Variants in NOTO observed in about 807,000 individuals in gnomAD.
NOTO encodes notochord homeobox.
In NOTO, 19 loss-of-function variants were observed where a neutral mutation model predicts 20.5. The ratio of observed to expected loss-of-function variants is 0.93; its 90% CI spans 0.65 to 1.36. The LOEUF (loss-of-function observed/expected upper bound fraction) is 1.36, where lower values mean the gene tolerates loss of function less well. Among genes scored for constraint, NOTO ranks in the 40% most tolerant of loss-of-function variants. NOTO has a pLI of 0.00. For missense variants in NOTO, 369 were observed against 336.2 expected (o/e 1.10, Z -0.76); for synonymous variants, 150 against 150.2 (o/e 1.00, Z 0.01).
chr2:73,208,545 A>C lies in NOTO; in HGVS notation c.528A>C (p.Ala176=), dbSNP rs1197544662. 8 of 1,551,668 alleles carry C rather than the reference A, an allele frequency of 5.2e-6. No individual in the cohort carries two copies. Among genetic ancestry groups the C allele is most frequent in the Non-Finnish European group, 5.2e-6 (6 of 1,146,976 alleles). The change falls in exon 2 of 3, where the codon GCA becomes GCC. Residue 176 remains alanine, a synonymous_variant. Transcript: ENST00000398468. ...EQLEELEKVF[A]KQHNLVGKKR... ...TGGAAGAGTTGGAGAAAGTGTTTGC[A>C]AAACAGCACAATCTGGTGGGGAAGA...
rs117321951 is a variant in NOTO, at chr2:73,210,624, T to C, written c.598-147T>C. 304 of 625,276 alleles carry C rather than the reference T, an allele frequency of 4.9e-4. 1 individual carries two copies. The East Asian group carries it at 8.1e-3, about 17-fold the overall frequency. The allele number at this position is 625,276 out of a possible 1,614,324, so 38.7% of individuals were successfully genotyped here. Reference sequence around the variant, plus strand: ...TCAGATGAATGAATGGTGTCTGGAATTGTAGAAAGGGGTGTTTTGGAGGAG... The same window carrying C: ...TCAGATGAATGAATGGTGTCTGGAACTGTAGAAAGGGGTGTTTTGGAGGAG... On this transcript the variant is annotated intron_variant, in intron 2 of 2. Coordinates refer to ENST00000398468, the MANE Select transcript of NOTO (RefSeq NM_001134462.2).
In NOTO at chr2:73,202,985, T is replaced by G. The variant is rs1410378986; in HGVS notation, c.319T>G (p.Phe107Val). Reference sequence around the variant, plus strand: ...GCTGCCCGCCTACCTGAGCGTAGGTTTTTACCCTGTGCCAGGGCCGCGCGT... The same window carrying G: ...GCTGCCCGCCTACCTGAGCGTAGGTGTTTACCCTGTGCCAGGGCCGCGCGT... Reference protein sequence around the residue: ...SWLPAYLSVGFYPVPGPRVAP... With the variant: ...SWLPAYLSVGVYPVPGPRVAP... Residue 107 changes from phenylalanine to valine, a missense_variant, in exon 1 of 3, where the codon TTT becomes GTT. Transcript: ENST00000398468. 6.7e-7 allele frequency: 1 copy of G among 1,488,600 alleles called. No homozygotes were observed. Among genetic ancestry groups the G allele is most frequent in the African/African-American group, 1.5e-5 (1 of 68,312 alleles). 92.2% of individuals were successfully genotyped at this position (1,488,600 alleles called of 1,614,324 possible). A position where few individuals can be genotyped will look rare whatever the true frequency, so the allele number is the denominator to read the frequency against.
rs1372190494 is a variant in NOTO, at chr2:73,202,939, C to G, written c.273C>G (p.Pro91=). The G allele has an allele frequency of 6.6e-7, 1 of 1,517,794 alleles. No homozygotes were observed. The highest frequency in any genetic ancestry group is 1.2e-5 in the South Asian group (1 of 81,740). The allele number at this position is 1,517,794 out of a possible 1,614,324, so 94.0% of individuals were successfully genotyped here. The part of the protein sequence containing the change: ...AASLCATGGL[P]WACPTSWLPA... ...CCCTGTGCGCCACCGGGGGTCTGCC[C>G]TGGGCTTGCCCGACATCGTGGCTGC... The change falls in exon 1 of 3, where the codon CCC becomes CCG. Residue 91 remains proline (P), a synonymous_variant. Transcript: ENST00000398468.
chr2:73,202,782 C>A lies in NOTO; in HGVS notation c.116C>A (p.Pro39His), dbSNP rs893451284. 10 of 1,524,322 alleles carry A rather than the reference C, an allele frequency of 6.6e-6. No individual in the cohort carries two copies. The highest frequency in any genetic ancestry group is 7.9e-6 in the Non-Finnish European group (9 of 1,141,824). The allele number at this position is 1,524,322 out of a possible 1,614,324, so 94.4% of individuals were successfully genotyped here. The change falls in exon 1 of 3, where the codon CCC becomes CAC. Residue 39 changes from proline to histidine, a missense_variant. Transcript: ENST00000398468. ...APRSPTGPNT[P>H]RAPGRFESPF... ...AGGTCCCCTACTGGCCCGAACACGCCCCGCGCTCCCGGACGCTTCGAGTCC... is the reference window on the plus strand; with the variant it reads ...AGGTCCCCTACTGGCCCGAACACGCACCGCGCTCCCGGACGCTTCGAGTCC...
intron 2 of NOTO, among the ~76,000 whole-genome samples, chr2:73,209,878 T>G (rs552057405): frequency 2.0e-5 from 3 of 152,156 alleles, no homozygotes; most frequent in Non-Finnish European, 4.4e-5. Context: ...ACCTGGTTAC[T>G]CAAAAACCCA....
chr2:73,208,616 TG>T lies in NOTO; in HGVS notation c.597+5del. The T allele has an allele frequency of 6.5e-7, 1 of 1,545,194 alleles. No homozygotes were observed. Among genetic ancestry groups the T allele is most frequent in the Non-Finnish European group, 8.8e-7 (1 of 1,141,700 alleles). On this transcript the variant is annotated splice_donor_region_variant and intron_variant, in intron 2 of 2. Transcript: ENST00000398468. ...CGGCTCAAACTTACAGAGAACCAGGTGGGAGTAGGGACTCCTATTGGGCCTG... is the reference window on the plus strand; with the variant it reads ...CGGCTCAAACTTACAGAGAACCAGGTGGAGTAGGGACTCCTATTGGGCCTG...
rs1035837002 is a variant in NOTO at position 73,211,097 on chromosome 2, G to A, written c.*168G>A. 5.4e-6 allele frequency: 3 copies of A among 560,050 alleles called. No individual in the cohort carries two copies. The highest frequency in any genetic ancestry group is 9.3e-6 in the Non-Finnish European group (3 of 324,084). 34.7% of individuals were successfully genotyped at this position (560,050 alleles called of 1,614,324 possible). A position where few individuals can be genotyped will look rare whatever the true frequency, so the allele number is the denominator to read the frequency against. The stretch of plus-strand genomic sequence containing the variant: ...ACTGATTCCTGGAAACTGGAATAAT[G>A]TAATGATTGGAGGCACAGACTCTGG... On this transcript the variant is annotated 3_prime_UTR_variant, in exon 3 of 3. Transcript: ENST00000398468.
Position 73,210,914 on chromosome 2 carries a change from AG to A in NOTO, c.743del (p.Gly248GlufsTer60). ...ASIQSDDAES[G>X]VDG ...GTATCCAGAGTGATGATGCCGAGTC[AG>A]GAGTGGACGGCTGAAGACTGGGACA... On this transcript the variant is annotated frameshift_variant, in exon 3 of 3. Coordinates refer to ENST00000398468, the MANE Select transcript of NOTO (RefSeq NM_001134462.2). LOFTEE classifies it high-confidence loss of function. The A allele has an allele frequency of 6.4e-7, 1 of 1,551,196 alleles. No homozygotes were observed.
chr2:73,210,358 CCTCT>C (rs59675855), intron 2 of NOTO, among the ~76,000 whole-genome samples: 46,285 of 151,920 alleles, frequency 0.3, 7,220 homozygotes, highest in African/African-American at 0.38. Flanking sequence ...ATCAGGTGGG[CCTCT>C]CTCTCTTTGA....
chr2:73,207,926 G>A lies in NOTO; in HGVS notation c.383-474G>A, dbSNP rs186097597. Among the ~76,000 whole-genome samples, 426 of 152,306 alleles carry A rather than the reference G, an allele frequency of 2.8e-3. 3 individuals carry two copies. The highest frequency in any genetic ancestry group is 4.3e-3 in the Non-Finnish European group (295 of 68,036). ...CTATCTCTTCTGACCTCATTTCTAA[G>A]ATGTAAGCTCCATAACGACAGAGAT... On this transcript the variant is annotated intron_variant, in intron 1 of 2. Coordinates refer to ENST00000398468, the MANE Select transcript of NOTO (RefSeq NM_001134462.2).
chr2:73,203,309 T>C (rs555154671), intron 1 of NOTO, among the ~76,000 whole-genome samples: 1 of 152,274 alleles, frequency 6.6e-6, no homozygotes, highest in East Asian at 1.9e-4. Flanking sequence ...GCGCAGCGCC[T>C]GAATGCGGTG....
At chr2:73,206,986 G>A (rs1481840312) in intron 1 of NOTO, among the ~76,000 whole-genome samples, 1 of 151,798 alleles carries the variant, frequency 6.6e-6, no homozygotes, top group Non-Finnish European at 1.5e-5. Flanking sequence ...GTAGAGACGG[G>A]GTTTCGCCAA....
rs1686118526 is a variant in NOTO at position 73,208,424 on chromosome 2, G to A, written c.407G>A (p.Gly136Glu). The A allele has an allele frequency of 1.3e-6, 2 of 1,551,546 alleles. No individual in the cohort carries two copies. Among genetic ancestry groups the A allele is most frequent in the African/African-American group, 2.7e-5 (2 of 73,164 alleles). Residue 136 changes from glycine (G) to glutamate (E), a missense_variant, in exon 2 of 3, where the codon GGA becomes GAA. By Grantham distance (98) the Gly-to-Glu change is moderately conservative. Coordinates refer to ENST00000398468, the MANE Select transcript of NOTO (RefSeq NM_001134462.2). ...GGGTTGGAGCTGGCTCACTGCTCAG[G>A]ACTCTGGGCCTTCCCAGACTGGGCC... The part of the protein sequence containing the change: ...VTGLELAHCS[G>E]LWAFPDWAPT...
At chr2:73,208,674 A>C in intron 2 of NOTO, 60 bp downstream of exon 2, 1 of 1,063,670 alleles carries the variant, frequency 9.4e-7, no homozygotes, top group Non-Finnish European at 1.4e-6. Context: ...CTACCTCAGC[A>C]AGGCCCTAAA....
chr2:73,203,574 A>T (rs1686038751), intron 1 of NOTO, among the ~76,000 whole-genome samples: 1 of 152,032 alleles, frequency 6.6e-6, no homozygotes, highest in South Asian at 2.1e-4. Flanking sequence ...TCCACTGCTC[A>T]CGTCTGTGAA....
At chr2:73,210,654 C>T (rs2103697947) in intron 2 of NOTO, 117 bp from the exon 3 acceptor site, 1 of 796,920 alleles carries the variant, frequency 1.3e-6, no homozygotes, top group Non-Finnish European at 2.0e-6. Flanking sequence ...GAGGAGGTAC[C>T]TCCCTGAGAA....
At chr2:73,204,898 T>TTTTTTTTTTGG (rs1686068843) in intron 1 of NOTO, among the ~76,000 whole-genome samples, 1 of 137,550 alleles carries the variant, frequency 7.3e-6, no homozygotes, top group Admixed American at 7.3e-5. Context: ...TTTTTTTTTT[T>TTTTTTTTTTGG]TGAGGCGGAG....
chr2:73,203,290 G>T (rs1378036253), intron 1 of NOTO, among the ~76,000 whole-genome samples: 2 of 152,206 alleles, frequency 1.3e-5, no homozygotes, highest in African/African-American at 4.8e-5. Context: ...GAGGGTGGGT[G>T]TGAGGGCGGC....
intron 1 of NOTO, among the ~76,000 whole-genome samples, chr2:73,204,140 T>C (rs1239448137): frequency 6.8e-6 from 1 of 146,320 alleles, no homozygotes; most frequent in African/African-American, 2.5e-5. Context: ...TAGGAGGGCG[T>C]GGTGGCGCGC....
Sources: gnomAD v4.1 joint callset for allele counts (sites outside exome capture counted in the v4.1 genomes callset) on GRCh38, gnomAD v4.1.1 for gene constraint, MANE v1.5 for transcripts, NCBI Gene and HGNC (gene_info 2026-07-23, HGNC 2026-07-21) for gene names.